The following ANTXR1 variants were observed in gnomAD, a reference collection of about 807,000 sequenced individuals.
ANTXR1 encodes anthrax toxin receptor 1.
ANTXR1 carries 19 observed loss-of-function variants against 78.1 expected under a neutral mutation model. The ratio of observed to expected loss-of-function variants is 0.24; its 90% CI spans 0.17 to 0.36. The LOEUF is 0.36. ANTXR1 is among the 10% of genes least tolerant of loss of function. The pLI, the probability that ANTXR1 is intolerant of heterozygous loss-of-function variation, is 1.00. For missense variants in ANTXR1, 518 were observed against 718.6 expected, an observed-to-expected ratio of 0.72 and a Z score of 3.19; for synonymous variants, 273 against 260.5, an observed-to-expected ratio of 1.05 and a Z score of -0.46.
At chr2:69,217,990 G>T (rs750939681) in intron 17 of ANTXR1, among the ~76,000 whole-genome samples, 19 of 152,140 alleles carry the variant, frequency 1.2e-4, no homozygotes, top group Non-Finnish European at 2.8e-4. Context: ...GGGCACACAG[G>T]TTATCTCATG....
chr2:69,140,503 G>T (rs547620937), intron 12 of ANTXR1, among the ~76,000 whole-genome samples: 1 of 152,276 alleles, frequency 6.6e-6, no homozygotes, highest in South Asian at 2.1e-4. Context: ...ATCATCATTT[G>T]ATTTCTAAAA....
At chr2:69,023,464 G>T (rs1671254801) in intron 1 of ANTXR1, among the ~76,000 whole-genome samples, 1 of 146,822 alleles carries the variant, frequency 6.8e-6, no homozygotes, top group African/African-American at 2.7e-5. Context: ...TGATAGTGAT[G>T]GTGGTGGTAG....
intron 1 of ANTXR1, among the ~76,000 whole-genome samples, chr2:69,018,884 C>T (rs1028575154): frequency 3.3e-5 from 5 of 152,090 alleles, no homozygotes; most frequent in African/African-American, 1.2e-4. Flanking sequence ...GTGCATAAGG[C>T]GATTAAAGTT....
chr2:69,083,009 A>G (rs1341430620), intron 8 of ANTXR1, among the ~76,000 whole-genome samples: 1 of 152,242 alleles, frequency 6.6e-6, no homozygotes, highest in Non-Finnish European at 1.5e-5. Flanking sequence ...AACGGAACCG[A>G]GGAATCAATC....
At chr2:69,212,732 G>C (rs1675073776) in intron 17 of ANTXR1, among the ~76,000 whole-genome samples, 2 of 152,024 alleles carry the variant, frequency 1.3e-5, no homozygotes, top group African/African-American at 2.4e-5. Context: ...GCTCACTCTA[G>C]CCTTGACCTC....
chr2:69,027,621 A>AGTGTGTGT (rs10631795), intron 1 of ANTXR1, among the ~76,000 whole-genome samples: 2,090 of 146,906 alleles, frequency 0.014, 50 homozygotes, highest in East Asian at 0.13. Flanking sequence ...AGATGATGCA[A>AGTGTGTGT]GTGTGTGTGT....
At chr2:69,157,326 T>C (rs1673554765) in intron 13 of ANTXR1, among the ~76,000 whole-genome samples, 2 of 151,994 alleles carry the variant, frequency 1.3e-5, no homozygotes, top group South Asian at 4.1e-4. Context: ...TCTAACACAT[T>C]GTTCCTGGTC....
At chr2:69,079,656 G>A (rs902142400) in intron 8 of ANTXR1, among the ~76,000 whole-genome samples, 2 of 152,150 alleles carry the variant, frequency 1.3e-5, no homozygotes, top group African/African-American at 4.8e-5. Context: ...ATAGGCAGTG[G>A]GTGTAGTTAC....
chr2:69,088,194 T>C (rs1671115155), intron 8 of ANTXR1, among the ~76,000 whole-genome samples: 1 of 152,172 alleles, frequency 6.6e-6, no homozygotes. Context: ...TGTGCCTTTG[T>C]GGTTAAAGAT....
At chr2:69,037,082 G>A (rs1239115593) in intron 1 of ANTXR1, among the ~76,000 whole-genome samples, 1 of 152,196 alleles carries the variant, frequency 6.6e-6, no homozygotes. Flanking sequence ...CAGTCACCAA[G>A]CAGCTATGCC....
At chr2:69,091,221 C>G (rs919874514) in intron 9 of ANTXR1, among the ~76,000 whole-genome samples, 2 of 151,934 alleles carry the variant, frequency 1.3e-5, no homozygotes, top group African/African-American at 4.8e-5. Flanking sequence ...AGGCAGAGCC[C>G]TTGAGGTAAG....
chr2:69,219,384 G>GACACACACACACACACACACACACACAC lies in ANTXR1; in HGVS notation c.1435-25830_1435-25803dup, dbSNP rs377200577. Among the ~76,000 whole-genome samples, 550 of 132,272 alleles carry GACACACACACACACACACACACACACAC rather than the reference G, an allele frequency of 4.2e-3. 25 individuals are homozygous for GACACACACACACACACACACACACACAC. The East Asian group carries it at 0.045, about 11-fold the overall frequency. 86.8% of individuals were successfully genotyped at this position (132,272 alleles called of 152,430 possible). ...ACATCACAGTGTCCACCAGAAGGAG[G>GACACACACACACACACACACACACACAC]ACACACACACACACACACACACACA... On this transcript the variant is annotated intron_variant, in intron 17 of 17. Transcript: ENST00000303714.
At chr2:69,193,442 G>GTT (rs1674589954) in intron 17 of ANTXR1, 27 bp downstream of exon 17, 1 of 1,058,676 alleles carries the variant, frequency 9.4e-7, no homozygotes, top group Admixed American at 2.4e-5. Flanking sequence ...CATTAATGGT[G>GTT]TCTCTCTCTC....
intron 12 of ANTXR1, among the ~76,000 whole-genome samples, chr2:69,147,734 A>G (rs1367739024): frequency 6.6e-6 from 1 of 152,220 alleles, no homozygotes; most frequent in Admixed American, 6.5e-5. Flanking sequence ...TAACATTAAC[A>G]TTGTGAACAT....
At chr2:69,210,555 A>G (rs1333149853) in intron 17 of ANTXR1, among the ~76,000 whole-genome samples, 1 of 152,234 alleles carries the variant, frequency 6.6e-6, no homozygotes, top group Non-Finnish European at 1.5e-5. Flanking sequence ...TCATATATGC[A>G]GTCATCGGCA....
chr2:69,027,040 A>G (rs1671366045), intron 1 of ANTXR1, among the ~76,000 whole-genome samples: 1 of 152,176 alleles, frequency 6.6e-6, no homozygotes, highest in South Asian at 2.1e-4. Context: ...AAATATGGAG[A>G]GAAAGATCAG....
At chr2:69,234,459 A>G (rs977644989) in intron 17 of ANTXR1, among the ~76,000 whole-genome samples, 2 of 152,180 alleles carry the variant, frequency 1.3e-5, no homozygotes, top group African/African-American at 4.8e-5. Flanking sequence ...TTACTGGGTA[A>G]TTTTATATGT....
intron 13 of ANTXR1, among the ~76,000 whole-genome samples, chr2:69,157,112 G>T (rs1208356870): frequency 6.6e-6 from 1 of 152,036 alleles, no homozygotes; most frequent in African/African-American, 2.4e-5. Context: ...GAATTTCCCA[G>T]CCAGTGGTCT....
intron 10 of ANTXR1, among the ~76,000 whole-genome samples, chr2:69,109,583 T>C (rs1467485518): frequency 6.6e-6 from 1 of 152,244 alleles, no homozygotes; most frequent in African/African-American, 2.4e-5. Flanking sequence ...AGGCAGCCTT[T>C]CAAATCTGTA....
Sources: allele counts gnomAD v4.1 joint callset (sites outside exome capture counted in the v4.1 genomes callset), GRCh38; gene constraint gnomAD v4.1.1; transcripts MANE v1.5; gene names NCBI Gene and HGNC (gene_info 2026-07-23, HGNC 2026-07-21).